The following SCN8A variants were observed in gnomAD, a reference collection of about 807,000 sequenced individuals.
SCN8A encodes sodium channel protein type 8 subunit alpha.
Under a neutral mutation model 184.1 loss-of-function variants are expected in SCN8A, and 30 were observed. The observed-to-expected ratio is 0.16, with a 90% CI of 0.12 to 0.22. The LOEUF (loss-of-function observed/expected upper bound fraction) is 0.22, where lower values mean the gene tolerates loss of function less well. Ranked by LOEUF, SCN8A falls within the 10% of genes least tolerant of loss-of-function variation. The pLI, the probability that SCN8A is intolerant of heterozygous loss-of-function variation, is 1.00. For synonymous variants in SCN8A, 852 were observed against 907.0 expected, an observed-to-expected ratio of 0.94 and a Z score of 1.09; for missense variants, 1,057 against 2,498.9, an observed-to-expected ratio of 0.42 and a Z score of 12.30.
chr12:51,621,507 C>G (rs1939961812), intron 1 of SCN8A, among the ~76,000 whole-genome samples: 1 of 152,200 alleles, frequency 6.6e-6, no homozygotes, highest in Admixed American at 6.5e-5. Context: ...AGATGTTACC[C>G]ATTAGTTCTG....
intron 15 of SCN8A, among the ~76,000 whole-genome samples, chr12:51,762,877 G>A (rs1942782794): frequency 6.6e-6 from 1 of 152,082 alleles, no homozygotes; most frequent in Non-Finnish European, 1.5e-5. Context: ...AAATCAATAA[G>A]CAAACAGAAA....
In SCN8A at chr12:51,806,127, C is replaced by G. The variant is rs939844504; in HGVS notation, c.4796-155C>G. Among the ~76,000 whole-genome samples, 1 of 152,332 alleles carries G rather than the reference C, an allele frequency of 6.6e-6. No homozygotes were observed. Among genetic ancestry groups the G allele is most frequent in the South Asian group, 2.1e-4 (1 of 4,826 alleles). On this transcript the variant is annotated intron_variant, in intron 26 of 26. Transcript: ENST00000627620. This position sits in a 1 kb window ranked among gnomAD's most constrained non-coding sequence, Gnocchi z 8.7. ...ACAGGCGTGAGCCCCCATGCCCAGCCAAAATGTCACTTTTTGAGAGTTCAG... is the reference window on the plus strand; with the variant it reads ...ACAGGCGTGAGCCCCCATGCCCAGCGAAAATGTCACTTTTTGAGAGTTCAG...
At chr12:51,778,442 G>A (rs978606437) in intron 20 of SCN8A, among the ~76,000 whole-genome samples, 1 of 151,990 alleles carries the variant, frequency 6.6e-6, no homozygotes, top group Non-Finnish European at 1.5e-5. Flanking sequence ...GCACCACCAC[G>A]CCCAGCTAAT....
Position 51,751,404 on chromosome 12 carries a change from C to G in SCN8A, c.2181C>G (p.Ala727=). 1.2e-6 allele frequency: 2 copies of G among 1,613,894 alleles called. No individual in the cohort carries two copies. Among genetic ancestry groups the G allele is most frequent in the East Asian group, 4.5e-5 (2 of 44,886 alleles). ...GCCCGCCATGCTGGTATAAATTTGC[C>G]AACACTTTCCTCATCTGGGAGTGCC... ...RKCPPCWYKF[A]NTFLIWECHP... is the part of the protein sequence containing the mutation. Residue 727 remains alanine (A), a synonymous_variant, in exon 14 of 27, where the codon GCC becomes GCG. Coordinates refer to ENST00000627620, the MANE Select transcript of SCN8A (RefSeq NM_001330260.2).
intron 1 of SCN8A, among the ~76,000 whole-genome samples, chr12:51,640,394 A>G (rs1415328412): frequency 6.6e-6 from 1 of 151,846 alleles, no homozygotes; most frequent in African/African-American, 2.4e-5. Flanking sequence ...TGAACCCACA[A>G]TAAGCCTGAG....
chr12:51,645,066 G>A (rs575805242), intron 1 of SCN8A, among the ~76,000 whole-genome samples: 1,600 of 148,378 alleles, frequency 0.011, 13 homozygotes, highest in Non-Finnish European at 0.016. Flanking sequence ...CGCCCCGTCC[G>A]GGAGGGAGGT....
intron 25 of SCN8A, among the ~76,000 whole-genome samples, chr12:51,793,978 A>G (rs1039665827): frequency 1.3e-5 from 2 of 152,122 alleles, no homozygotes; most frequent in Non-Finnish European, 2.9e-5. Flanking sequence ...AACCCCGTCT[A>G]TGCTAAAAAT....
chr12:51,752,279 A>T (rs1942607536), intron 14 of SCN8A, among the ~76,000 whole-genome samples: 1 of 152,192 alleles, frequency 6.6e-6, no homozygotes, highest in East Asian at 1.9e-4. Flanking sequence ...AGAATCCCCT[A>T]GGTCACCTGG....
At chr12:51,667,172 ATCTG>A (rs779581243) in intron 2 of SCN8A, among the ~76,000 whole-genome samples, 1 of 152,146 alleles carries the variant, frequency 6.6e-6, no homozygotes, top group East Asian at 1.9e-4. Flanking sequence ...CCTGTCTCTC[ATCTG>A]TCTATTTCCT....
chr12:51,613,103 T>A (rs1035267444), intron 1 of SCN8A, among the ~76,000 whole-genome samples: 2 of 152,210 alleles, frequency 1.3e-5, no homozygotes, highest in African/African-American at 4.8e-5. Context: ...TTTTTTCTTG[T>A]CCTGTCTTTG....
rs1190176015 is a variant in SCN8A, at chr12:51,789,256, T to C, written c.4282-25T>C. 4 of 1,613,032 alleles carry C rather than the reference T, an allele frequency of 2.5e-6. No homozygotes were observed. In the South Asian group the frequency reaches 4.4e-5, roughly 18 times the overall value. The stretch of plus-strand genomic sequence containing the variant: ...AACTCCAAACTAGGAGCTGATTCTC[T>C]TCCTTTTATCCTGTCCTTTGACAGC... On this transcript the variant is annotated intron_variant, in intron 23 of 26. Transcript: ENST00000627620.
intron 11 of SCN8A, among the ~76,000 whole-genome samples, chr12:51,717,063 G>A (rs1168358553): frequency 1.3e-5 from 2 of 152,102 alleles, no homozygotes; most frequent in African/African-American, 2.4e-5. Flanking sequence ...GAAACCACAG[G>A]CTCAGGCTAA....
intron 1 of SCN8A, among the ~76,000 whole-genome samples, chr12:51,645,431 G>A (rs1314760328): frequency 6.6e-6 from 1 of 152,058 alleles, no homozygotes; most frequent in Admixed American, 6.5e-5. Context: ...CCCTCTGCCC[G>A]GCCACCACCC....
At chr12:51,701,505 C>T (rs1941686752) in intron 8 of SCN8A, among the ~76,000 whole-genome samples, 1 of 152,116 alleles carries the variant, frequency 6.6e-6, no homozygotes, top group East Asian at 1.9e-4. Context: ...TCCTATAGTA[C>T]AATAGAGAGC....
chr12:51,698,764 G>T (rs1941636806), intron 6 of SCN8A, among the ~76,000 whole-genome samples: 1 of 152,210 alleles, frequency 6.6e-6, no homozygotes, highest in African/African-American at 2.4e-5. Context: ...TACAGAAGAA[G>T]TATATTTTTA....
At chr12:51,645,816 G>A (rs1308060530) in intron 1 of SCN8A, among the ~76,000 whole-genome samples, 2 of 149,230 alleles carry the variant, frequency 1.3e-5, no homozygotes, top group African/African-American at 2.5e-5. Context: ...CAAACACTGC[G>A]GAAGGCCTCA....
At chr12:51,610,532 C>T (rs1939699889) in intron 1 of SCN8A, among the ~76,000 whole-genome samples, 1 of 151,872 alleles carries the variant, frequency 6.6e-6, no homozygotes, top group Non-Finnish European at 1.5e-5. Context: ...AATGTGTTTC[C>T]AGGATTTGTT....
At chr12:51,675,121 A>G (rs528388401) in intron 2 of SCN8A, among the ~76,000 whole-genome samples, 32 of 152,358 alleles carry the variant, frequency 2.1e-4, no homozygotes, top group Non-Finnish European at 4.1e-4. Flanking sequence ...AGGTTAAAGT[A>G]GAAGGTGATC....
intron 1 of SCN8A, among the ~76,000 whole-genome samples, chr12:51,603,203 C>T (rs1287205004): frequency 6.6e-6 from 1 of 152,150 alleles, no homozygotes; most frequent in Non-Finnish European, 1.5e-5. Context: ...CCCCTGGAAA[C>T]CTGATTGGTT....
Sources: allele counts gnomAD v4.1 joint callset (sites outside exome capture counted in the v4.1 genomes callset), GRCh38; gene constraint gnomAD v4.1.1; non-coding constraint Gnocchi (gnomAD v3.1); transcripts MANE v1.5; gene names NCBI Gene and HGNC (gene_info 2026-07-23, HGNC 2026-07-21).